Variants in MAGI2 observed in about 807,000 individuals in gnomAD.
MAGI2 encodes membrane-associated guanylate kinase, WW and PDZ domain-containing protein 2.
Under a neutral mutation model 133.3 loss-of-function variants are expected in MAGI2, and 35 were observed. The observed-to-expected ratio is 0.26, with a 90% CI of 0.20 to 0.35. The LOEUF (loss-of-function observed/expected upper bound fraction) is 0.35. MAGI2 is among the 10% of genes least tolerant of loss of function. The pLI is 1.00. For missense variants in MAGI2, 1,636 were observed against 1,863.4 expected, an observed-to-expected ratio of 0.88 and a Z score of 2.25; for synonymous variants, 729 against 710.6, an observed-to-expected ratio of 1.03 and a Z score of -0.41.
rs1808166769 is a variant in MAGI2, at chr7:78,019,894, A to G, written c.3789T>C (p.Ala1263=). ...GGGCTGGATGTGATGGAGAGAATGG[A>G]GCGAGGCCGTCGTCCAGGGAGACGC... The part of the protein sequence containing the change: ...EVGVSLDDGL[A]PFSPSHPAPP... The change falls in exon 22 of 22, where the codon GCT becomes GCC. Residue 1263 remains alanine (A), a synonymous_variant. Coordinates refer to ENST00000354212, the MANE Select transcript of MAGI2 (RefSeq NM_012301.4). 1 of 1,611,452 alleles carries G rather than the reference A, an allele frequency of 6.2e-7. No homozygotes were observed. Among genetic ancestry groups the G allele is most frequent in the Non-Finnish European group, 8.5e-7 (1 of 1,179,078 alleles).
chr7:78,721,904 G>C (rs756385746), intron 2 of MAGI2, among the ~76,000 whole-genome samples: 3 of 151,686 alleles, frequency 2.0e-5, no homozygotes, highest in Non-Finnish European at 4.4e-5. Flanking sequence ...TTAAATCAAA[G>C]AACTGACATA....
chr7:79,011,924 C>CCTTTCTTTCTTTCTTTCTTT (rs147300397), intron 1 of MAGI2, among the ~76,000 whole-genome samples: 116 of 121,278 alleles, frequency 9.6e-4, no homozygotes, highest in East Asian at 5.4e-3. Context: ...TTCCTTCCTT[C>CCTTTCTTTCTTTCTTTCTTT]CTTTCTTTCT....
At chr7:79,060,726 A>G (rs1244530351) in intron 1 of MAGI2, among the ~76,000 whole-genome samples, 2 of 152,116 alleles carry the variant, frequency 1.3e-5, no homozygotes, top group Non-Finnish European at 2.9e-5. Flanking sequence ...GACTTACCCC[A>G]TGAGTCTTTC....
chr7:79,355,251 T>A (rs73704184), intron 1 of MAGI2, among the ~76,000 whole-genome samples: 1 of 151,968 alleles, frequency 6.6e-6, no homozygotes, highest in Non-Finnish European at 1.5e-5. Context: ...ATTCTTCCCC[T>A]GGGGAGCAAG....
chr7:78,385,421 G>A (rs1795291466), intron 6 of MAGI2, among the ~76,000 whole-genome samples: 1 of 152,160 alleles, frequency 6.6e-6, no homozygotes, highest in Non-Finnish European at 1.5e-5. Flanking sequence ...ACTGACAGTT[G>A]AGAGATAAGG....
chr7:78,859,021 G>A (rs543082708), intron 2 of MAGI2, among the ~76,000 whole-genome samples: 151 of 151,900 alleles, frequency 9.9e-4, no homozygotes, highest in South Asian at 2.1e-3. Context: ...TGATCTTTGC[G>A]GGTTTAGAGT....
At chr7:78,810,581 A>C (rs963505010) in intron 2 of MAGI2, among the ~76,000 whole-genome samples, 4 of 152,102 alleles carry the variant, frequency 2.6e-5, no homozygotes, top group African/African-American at 9.7e-5. Flanking sequence ...TTTTCCCAAG[A>C]AATATTTAAC....
At chr7:78,181,773 C>A (rs958820188) in intron 13 of MAGI2, among the ~76,000 whole-genome samples, 1 of 152,180 alleles carries the variant, frequency 6.6e-6, no homozygotes, top group Admixed American at 6.5e-5. Context: ...AAATGGTGAG[C>A]ACATCCAGGT....
At chr7:79,005,217 T>G (rs1269279867) in intron 2 of MAGI2, among the ~76,000 whole-genome samples, 2 of 152,214 alleles carry the variant, frequency 1.3e-5, no homozygotes, top group Non-Finnish European at 2.9e-5. Context: ...AGTTAAAAAC[T>G]TCATTAGTCA....
chr7:78,957,692 G>C (rs1802502584), intron 2 of MAGI2, among the ~76,000 whole-genome samples: 1 of 152,084 alleles, frequency 6.6e-6, no homozygotes, highest in Non-Finnish European at 1.5e-5. Context: ...GAGAACCAAA[G>C]CATAGAGAGG....
intron 2 of MAGI2, among the ~76,000 whole-genome samples, chr7:78,910,223 C>G (rs1449257819): frequency 6.6e-6 from 1 of 150,816 alleles, no homozygotes; most frequent in African/African-American, 2.4e-5. Context: ...TGTAACAAAC[C>G]TGCACATTTT....
At chr7:79,304,207 G>C (rs56298448) in intron 1 of MAGI2, among the ~76,000 whole-genome samples, 5 of 61,860 alleles carry the variant, frequency 8.1e-5, no homozygotes, top group Non-Finnish European at 1.9e-4. Flanking sequence ...GTGTGTCTGT[G>C]TGTGTGTGTG....
chr7:78,830,885 C>T (rs150013474), intron 2 of MAGI2, among the ~76,000 whole-genome samples: 176 of 152,244 alleles, frequency 1.2e-3, no homozygotes, highest in African/African-American at 3.9e-3. Flanking sequence ...TTGAATATTA[C>T]GTACACAGCA....
chr7:78,231,147 G>A (rs1374753983), intron 10 of MAGI2, among the ~76,000 whole-genome samples: 1 of 152,192 alleles, frequency 6.6e-6, no homozygotes, highest in Non-Finnish European at 1.5e-5. Flanking sequence ...GATGCAAAAT[G>A]ACCTGGTCTC....
chr7:78,708,284 C>A (rs1305992934), intron 2 of MAGI2, among the ~76,000 whole-genome samples: 1 of 152,054 alleles, frequency 6.6e-6, no homozygotes, highest in Non-Finnish European at 1.5e-5. Context: ...AGGAAGAGCT[C>A]AATGAAAAGA....
At chr7:79,344,075 C>T (rs1841122279) in intron 1 of MAGI2, among the ~76,000 whole-genome samples, 1 of 152,084 alleles carries the variant, frequency 6.6e-6, no homozygotes, top group African/African-American at 2.4e-5. Flanking sequence ...TAAACTAGTT[C>T]AATGAGATGA....
chr7:78,432,348 G>A (rs897079453), intron 6 of MAGI2, among the ~76,000 whole-genome samples: 1 of 152,010 alleles, frequency 6.6e-6, no homozygotes, highest in Non-Finnish European at 1.5e-5. Context: ...TTGTAAGGCT[G>A]TACAATTAAA....
chr7:78,762,765 C>T (rs1824639885), intron 2 of MAGI2, among the ~76,000 whole-genome samples: 1 of 152,128 alleles, frequency 6.6e-6, no homozygotes, highest in Admixed American at 6.6e-5. Context: ...TTTTGGGGAA[C>T]CACCTATTTT....
intron 2 of MAGI2, among the ~76,000 whole-genome samples, chr7:78,885,199 G>C (rs1334615056): frequency 6.6e-6 from 1 of 152,026 alleles, no homozygotes; most frequent in African/African-American, 2.4e-5. Flanking sequence ...AATACTTATT[G>C]GGTATTATGC....
Sources: gnomAD v4.1 joint callset for allele counts (sites outside exome capture counted in the v4.1 genomes callset) on GRCh38, gnomAD v4.1.1 for gene constraint, MANE v1.5 for transcripts, NCBI Gene and HGNC (gene_info 2026-07-23, HGNC 2026-07-21) for gene names.